The following LUZP2 variants were observed in gnomAD, a reference collection of about 807,000 sequenced individuals.
LUZP2 encodes leucine zipper protein 2.
LUZP2 carries 52 observed loss-of-function variants against 51.6 expected under a neutral mutation model. That is an observed-to-expected ratio of 1.01 (90% CI 0.81 to 1.27). LUZP2 has a LOEUF of 1.27. Among genes scored for constraint, LUZP2 ranks in the 50% most tolerant of loss-of-function variants. LUZP2 has a pLI of 0.00. For synonymous variants in LUZP2, 154 were observed against 137.3 expected, an observed-to-expected ratio of 1.12 and a Z score of -0.85; for missense variants, 436 against 395.4, an observed-to-expected ratio of 1.10 and a Z score of -0.87.
intron 7 of LUZP2, among the ~76,000 whole-genome samples, chr11:24,952,626 T>G (rs1415388857): frequency 6.6e-6 from 1 of 151,798 alleles, no homozygotes; most frequent in Non-Finnish European, 1.5e-5. Flanking sequence ...AATGTGGTCT[T>G]GAAATCATCA....
chr11:25,030,927 TATA>T (rs1857639758), intron 9 of LUZP2, among the ~76,000 whole-genome samples: 2 of 8,402 alleles, frequency 2.4e-4, no homozygotes. Flanking sequence ...ATTATATATA[TATA>T]ATATATATTA....
chr11:24,983,197 T>A lies in LUZP2; in HGVS notation c.669T>A (p.Pro223=), dbSNP rs776905516. The change falls in exon 9 of 12, where the codon CCT becomes CCA. Residue 223 remains proline, a synonymous_variant. Transcript: ENST00000336930. ...CLTSVFRDQP[P]PPLSLITSNP... is the part of the protein sequence containing the mutation. ...CATCTGTTTTCCGTGATCAGCCTCC[T>A]CCCCCTTTGAGTTTAATCACATCAA... 2 of 1,612,204 alleles carry A rather than the reference T, an allele frequency of 1.2e-6. No homozygotes were observed. The highest frequency in any genetic ancestry group is 4.5e-5 in the East Asian group (2 of 44,808).
At chr11:24,817,976 A>G (rs1234486543) in intron 5 of LUZP2, among the ~76,000 whole-genome samples, 1 of 152,082 alleles carries the variant, frequency 6.6e-6, no homozygotes, top group Non-Finnish European at 1.5e-5. Context: ...ACATATGCTT[A>G]TGAATTAGTT....
rs1857683455 is a variant in LUZP2, at chr11:24,708,365, T to A, written c.63-20804T>A. 3.3e-5 allele frequency among the ~76,000 whole-genome samples: 5 copies of A among 152,228 alleles called. 1 individual carries two copies. In the South Asian group the frequency reaches 1.0e-3, roughly 32 times the overall value. On this transcript the variant is annotated intron_variant, in intron 1 of 11. Coordinates refer to ENST00000336930, the MANE Select transcript of LUZP2 (RefSeq NM_001009909.4). ...TCAAATCAACACACAAAATCAACCA[T>A]TAGAAAGAGTCATCTGGATTGATTA...
At chr11:24,799,039 G>A (rs544270353) in intron 5 of LUZP2, among the ~76,000 whole-genome samples, 1 of 152,268 alleles carries the variant, frequency 6.6e-6, no homozygotes, top group Non-Finnish European at 1.5e-5. Context: ...ACTCACTGTA[G>A]AGAAAGCTGT....
intron 1 of LUZP2, among the ~76,000 whole-genome samples, chr11:24,698,012 C>A (rs945777035): frequency 6.6e-6 from 1 of 152,144 alleles, no homozygotes; most frequent in Non-Finnish European, 1.5e-5. Context: ...CAATCAGGAA[C>A]ACTCATTCCC....
At chr11:25,013,896 CCT>C (rs1340881464) in intron 9 of LUZP2, among the ~76,000 whole-genome samples, 2 of 152,086 alleles carry the variant, frequency 1.3e-5, no homozygotes, top group Non-Finnish European at 2.9e-5. Flanking sequence ...CTATCCCTCC[CCT>C]GTCCCCCCAC....
intron 9 of LUZP2, among the ~76,000 whole-genome samples, chr11:24,987,380 T>C (rs1856218150): frequency 6.6e-6 from 1 of 151,912 alleles, no homozygotes; most frequent in Non-Finnish European, 1.5e-5. Context: ...GGGATCATAA[T>C]AGTACATGTC....
chr11:25,054,570 AT>A (rs1858619722), intron 10 of LUZP2, among the ~76,000 whole-genome samples: 1 of 152,128 alleles, frequency 6.6e-6, no homozygotes, highest in African/African-American at 2.4e-5. Context: ...TTTATAACAC[AT>A]TTTTAAAGAA....
chr11:24,662,907 T>C (rs1856068150), intron 1 of LUZP2, among the ~76,000 whole-genome samples: 1 of 141,570 alleles, frequency 7.1e-6, no homozygotes, highest in South Asian at 2.1e-4. Flanking sequence ...AAGATACAAG[T>C]GTGAGACAGT....
intron 4 of LUZP2, among the ~76,000 whole-genome samples, chr11:24,748,983 CCTT>C (rs1217045962): frequency 2.0e-5 from 3 of 152,164 alleles, no homozygotes; most frequent in African/African-American, 7.2e-5. Context: ...AATTTGTAAC[CCTT>C]CAATTAGAAA....
chr11:24,652,980 T>A (rs1855676626), intron 1 of LUZP2, among the ~76,000 whole-genome samples: 1 of 152,126 alleles, frequency 6.6e-6, no homozygotes, highest in Non-Finnish European at 1.5e-5. Flanking sequence ...ATGTGGAAAA[T>A]TTAGAATTGT....
At chr11:24,904,485 G>C (rs890632391) in intron 5 of LUZP2, among the ~76,000 whole-genome samples, 1 of 151,862 alleles carries the variant, frequency 6.6e-6, no homozygotes, top group African/African-American at 2.4e-5. Context: ...GGGTTTCACT[G>C]TGTTAGCCAG....
chr11:24,927,749 G>T (rs1226283473), intron 7 of LUZP2, among the ~76,000 whole-genome samples: 1 of 151,682 alleles, frequency 6.6e-6, no homozygotes, highest in Non-Finnish European at 1.5e-5. Context: ...ATAAATTTTA[G>T]AAATTTTTTT....
chr11:25,030,904 TA>T (rs1175618656), intron 9 of LUZP2, among the ~76,000 whole-genome samples: 6,625 of 46,742 alleles, frequency 0.14, 1,185 homozygotes, highest in African/African-American at 0.39. Context: ...TATATATATA[TA>T]ATATATATTG....
At chr11:24,693,344 G>C (rs1238225902) in intron 1 of LUZP2, among the ~76,000 whole-genome samples, 1 of 151,336 alleles carries the variant, frequency 6.6e-6, no homozygotes, top group Non-Finnish European at 1.5e-5. Flanking sequence ...TTTTTCACAG[G>C]ACTATCTAAG....
intron 4 of LUZP2, among the ~76,000 whole-genome samples, chr11:24,751,294 A>G (rs1329853037): frequency 1.3e-5 from 2 of 152,180 alleles, no homozygotes; most frequent in Admixed American, 6.6e-5. Flanking sequence ...GATGACTCAC[A>G]GAAATGAATA....
At chr11:24,579,188 T>G (rs1237001330) in intron 1 of LUZP2, among the ~76,000 whole-genome samples, 1 of 152,124 alleles carries the variant, frequency 6.6e-6, no homozygotes, top group East Asian at 1.9e-4. Flanking sequence ...ACAGAGCATA[T>G]AGAATATTTT....
At chr11:24,877,154 C>T (rs1321487830) in intron 5 of LUZP2, among the ~76,000 whole-genome samples, 1 of 152,052 alleles carries the variant, frequency 6.6e-6, no homozygotes, top group Non-Finnish European at 1.5e-5. Context: ...ATCATACTTG[C>T]AAAATGATCA....
Sources: allele counts gnomAD v4.1 joint callset (sites outside exome capture counted in the v4.1 genomes callset), GRCh38; gene constraint gnomAD v4.1.1; transcripts MANE v1.5; gene names NCBI Gene and HGNC (gene_info 2026-07-23, HGNC 2026-07-21).